Variants in KLHL14 observed in about 807,000 individuals in gnomAD.
KLHL14 encodes the protein kelch-like protein 14.
In KLHL14, 22 loss-of-function variants were observed where a neutral mutation model predicts 64.3. The observed-to-expected ratio is 0.34, with a 90% CI of 0.24 to 0.49. The LOEUF (loss-of-function observed/expected upper bound fraction) is 0.49, where lower values mean the gene tolerates loss of function less well. KLHL14 is among the 20% of genes least tolerant of loss of function. The pLI, the probability that KLHL14 is intolerant of heterozygous loss-of-function variation, is 0.99. For missense variants in KLHL14, 661 were observed against 789.0 expected (o/e 0.84, Z 1.94); for synonymous variants, 322 against 333.4 (o/e 0.97, Z 0.37).
At chr18:32,761,393 C>CTTTTTTTT (rs10676001) in intron 2 of KLHL14, among the ~76,000 whole-genome samples, 8 of 127,066 alleles carry the variant, frequency 6.3e-5, no homozygotes, top group Non-Finnish European at 9.6e-5. Context: ...GCCACACATC[C>CTTTTTTTT]TTTTTTTTTT....
At chr18:32,693,166 G>A (rs1373809852) in intron 4 of KLHL14, among the ~76,000 whole-genome samples, 1 of 152,074 alleles carries the variant, frequency 6.6e-6, no homozygotes, top group Admixed American at 6.5e-5. Flanking sequence ...CCACCTGGGG[G>A]AAGGCTTTGG....
At chr18:32,706,737 C>T (rs557009296) in intron 3 of KLHL14, among the ~76,000 whole-genome samples, 2 of 151,658 alleles carry the variant, frequency 1.3e-5, no homozygotes, top group African/African-American at 2.4e-5. Flanking sequence ...TTTTTTAAGT[C>T]GTTATGGGAA....
At chr18:32,706,322 G>A (rs2049990111) in intron 3 of KLHL14, among the ~76,000 whole-genome samples, 1 of 152,146 alleles carries the variant, frequency 6.6e-6, no homozygotes, top group Non-Finnish European at 1.5e-5. Flanking sequence ...GGGCCATGAT[G>A]AGGCCTAGAG....
intron 2 of KLHL14, among the ~76,000 whole-genome samples, chr18:32,762,397 T>C (rs2050319010): frequency 6.6e-6 from 1 of 152,114 alleles, no homozygotes; most frequent in African/African-American, 2.4e-5. Flanking sequence ...TTTTTCTTCC[T>C]TTTTCAGATA....
rs750871626 is a variant in KLHL14, at chr18:32,680,495, G to T, written c.1343C>A (p.Thr448Lys). Residue 448 changes from threonine to lysine, a missense_variant, in exon 6 of 9, where the codon ACG (threonine) becomes AAG (lysine). Thr to Lys is a moderately conservative substitution (Grantham distance 78, BLOSUM62 -1). Around this residue, in one of 2 missense-constraint regions of KLHL14, gnomAD observed 330 missense variants for 450.0 expected, o/e 0.73. Transcript: ENST00000359358. The surrounding 1 kb of genome is among the most constrained non-coding windows in gnomAD (Gnocchi z 4.8). ...LSSVECYNLE[T>K]NEWRYVSSLP... is the part of the protein sequence containing the mutation. ...AGAGGACACATAGCGCCATTCATTC[G>T]TTTCTAGGTTATAGCACTCCACGCT... 2 of 1,613,900 alleles carry T rather than the reference G, an allele frequency of 1.2e-6. No homozygotes were observed.
intron 3 of KLHL14, chr18:32,740,813 C>T (rs980162042): frequency 1.3e-5 from 2 of 152,134 alleles, no homozygotes; most frequent in African/African-American, 4.8e-5. Context: ...AGGGAGCTTT[C>T]TTGTTGCAGT....
intron 5 of KLHL14, among the ~76,000 whole-genome samples, chr18:32,686,096 C>G (rs1410089036): frequency 6.7e-6 from 1 of 149,646 alleles, no homozygotes; most frequent in Non-Finnish European, 1.5e-5. Flanking sequence ...ACTGCAACCT[C>G]TGCCCTCTGA....
intron 2 of KLHL14, among the ~76,000 whole-genome samples, chr18:32,750,869 G>T (rs1365978242): frequency 1.3e-5 from 2 of 152,150 alleles, no homozygotes; most frequent in Admixed American, 6.5e-5. Flanking sequence ...TTTGTCAAAT[G>T]AATTTTAGCA....
At chr18:32,694,686 A>T (rs2049928398) in intron 4 of KLHL14, among the ~76,000 whole-genome samples, 1 of 152,218 alleles carries the variant, frequency 6.6e-6, no homozygotes, top group Non-Finnish European at 1.5e-5. Flanking sequence ...ATGTAATTTC[A>T]GCTGGATGTT....
At position 32,751,253 on chromosome 18, in the gene KLHL14, C is replaced by G. The variant is rs568023706; in HGVS notation, c.948-9204G>C. Among the ~76,000 whole-genome samples the G allele has an allele frequency of 1.4e-4, 21 of 152,268 alleles. No homozygotes were observed. The South Asian group carries it at 1.9e-3, about 14-fold the overall frequency. On this transcript the variant is annotated intron_variant, in intron 2 of 8. Coordinates refer to ENST00000359358, the MANE Select transcript of KLHL14 (RefSeq NM_020805.3). ...CTACCCTTCTCTTAAAATTTTCCAGCGAAGTAAACTCCTTTGAGAGTTTGT... is the reference window on the plus strand; with the variant it reads ...CTACCCTTCTCTTAAAATTTTCCAGGGAAGTAAACTCCTTTGAGAGTTTGT...
At chr18:32,768,980 T>C (rs1290310249) in intron 2 of KLHL14, among the ~76,000 whole-genome samples, 1 of 152,228 alleles carries the variant, frequency 6.6e-6, no homozygotes, top group Admixed American at 6.5e-5. Context: ...TCTCTTGCTT[T>C]ACTCTCCTTT....
At chr18:32,765,346 T>C (rs972770680) in intron 2 of KLHL14, among the ~76,000 whole-genome samples, 1 of 152,228 alleles carries the variant, frequency 6.6e-6, no homozygotes, top group African/African-American at 2.4e-5. Flanking sequence ...CAAGCATGAA[T>C]TAAAACTGGA....
chr18:32,766,224 C>G (rs1258466792), intron 2 of KLHL14, among the ~76,000 whole-genome samples: 6 of 151,606 alleles, frequency 4.0e-5, no homozygotes, highest in Admixed American at 3.9e-4. Context: ...TAATTAATAT[C>G]TAATCCAATT....
chr18:32,752,955 TTGTG>T (rs71177874), intron 2 of KLHL14, among the ~76,000 whole-genome samples: 14,399 of 142,234 alleles, frequency 0.1, 882 homozygotes, highest in African/African-American at 0.18. Context: ...AGCATCATAT[TTGTG>T]TGTGTGTGTG....
chr18:32,748,506 A>G (rs2050235487), intron 2 of KLHL14, among the ~76,000 whole-genome samples: 1 of 152,064 alleles, frequency 6.6e-6, no homozygotes, highest in Non-Finnish European at 1.5e-5. Flanking sequence ...AGTAGCTGGG[A>G]CTACAGGCGC....
chr18:32,674,556 GGC>G lies in KLHL14; in HGVS notation c.*99_*100del. Reference sequence around the variant, plus strand: ...TCATCAGAAACCAAGGGTGGGTTTTGGCAGTTGTACCATTAGAATGCATTGTT... The same window carrying G: ...TCATCAGAAACCAAGGGTGGGTTTTGAGTTGTACCATTAGAATGCATTGTT... On this transcript the variant is annotated 3_prime_UTR_variant, in exon 9 of 9. Coordinates refer to ENST00000359358, the MANE Select transcript of KLHL14 (RefSeq NM_020805.3). 1 of 677,520 alleles carries G rather than the reference GGC, an allele frequency of 1.5e-6. No individual in the cohort carries two copies. The highest frequency in any genetic ancestry group is 2.7e-6 in the Non-Finnish European group (1 of 367,758). The allele number at this position is 677,520 out of a possible 1,614,324, so 42.0% of individuals were successfully genotyped here. A position where few individuals can be genotyped will look rare whatever the true frequency, so the allele number is the denominator to read the frequency against.
chr18:32,762,841 A>G (rs890671995), intron 2 of KLHL14, among the ~76,000 whole-genome samples: 1 of 152,196 alleles, frequency 6.6e-6, no homozygotes, highest in African/African-American at 2.4e-5. Flanking sequence ...AGAGAAGACA[A>G]ACATTTATGA....
intron 3 of KLHL14, among the ~76,000 whole-genome samples, chr18:32,726,423 A>G (rs1358244006): frequency 1.3e-5 from 2 of 152,098 alleles, no homozygotes; most frequent in Non-Finnish European, 2.9e-5. Context: ...CAGGAGTTCA[A>G]GACCAGCCTG....
rs1235696392 is a variant in KLHL14 at position 32,730,339 on chromosome 18, A to G, written c.1069+11589T>C. Among the ~76,000 whole-genome samples, 6 of 152,268 alleles carry G rather than the reference A, an allele frequency of 3.9e-5. No homozygotes were observed. The East Asian group carries it at 1.2e-3, about 29-fold the overall frequency. On this transcript the variant is annotated intron_variant, in intron 3 of 8. Transcript: ENST00000359358. ...CTCTTCAGATCTAATCATACAGATGAATAAATTGCTATGAAAATACCAAAA... is the reference window on the plus strand; with the variant it reads ...CTCTTCAGATCTAATCATACAGATGGATAAATTGCTATGAAAATACCAAAA...
Sources: allele counts gnomAD v4.1 joint callset (sites outside exome capture counted in the v4.1 genomes callset), GRCh38; gene constraint gnomAD v4.1.1; regional missense constraint gnomAD v4.1.1; non-coding constraint Gnocchi (gnomAD v3.1); transcripts MANE v1.5; gene names NCBI Gene and HGNC (gene_info 2026-07-23, HGNC 2026-07-21).